ZDHHC3: variants seen among roughly 807,000 people sequenced by gnomAD.
ZDHHC3 encodes the protein palmitoyltransferase ZDHHC3.
Under a neutral mutation model 30.6 loss-of-function variants are expected in ZDHHC3, and 9 were observed. That is an observed-to-expected ratio of 0.29 (90% confidence interval 0.18 to 0.51). The LOEUF is 0.51. Among genes scored for constraint, ZDHHC3 ranks in the 20% least tolerant of loss-of-function variants. The probability of loss-of-function intolerance (pLI) is 0.97; values close to 1 mark genes in which losing one functional copy is unlikely to be tolerated. For synonymous variants in ZDHHC3, 136 were observed against 140.2 expected (o/e 0.97, Z 0.21); for missense variants, 246 against 384.2 (o/e 0.64, Z 3.01).
intron 5 of ZDHHC3, among the ~76,000 whole-genome samples, chr3:44,932,035 T>A (rs973927503): frequency 3.9e-5 from 6 of 152,228 alleles, no homozygotes; most frequent in Admixed American, 3.9e-4. Context: ...CCCTATCACC[T>A]GCCCAAGTCT....
At chr3:44,934,440 C>CTAGGGA (rs55912200) in intron 3 of ZDHHC3, among the ~76,000 whole-genome samples, 5 of 151,080 alleles carry the variant, frequency 3.3e-5, no homozygotes, top group African/African-American at 1.2e-4. Context: ...TGAGGTGCTA[C>CTAGGGA]CAGGGAGGGC....
intron 2 of ZDHHC3, among the ~76,000 whole-genome samples, chr3:44,952,128 G>A (rs1703512074): frequency 6.6e-6 from 1 of 152,148 alleles, no homozygotes; most frequent in Non-Finnish European, 1.5e-5. Flanking sequence ...AACGGAACCT[G>A]CTGCTTTCTC....
At chr3:44,943,520 G>A (rs1024476429) in intron 3 of ZDHHC3, among the ~76,000 whole-genome samples, 2 of 152,158 alleles carry the variant, frequency 1.3e-5, no homozygotes, top group Non-Finnish European at 2.9e-5. Flanking sequence ...TGAAAGACAG[G>A]CAGCAAGGCC....
At position 44,915,921 on chromosome 3, in the gene ZDHHC3, T is replaced by G. The variant is rs930851942; in HGVS notation, c.*10768A>C. 9.2e-5 allele frequency: 14 copies of G among 152,372 alleles called. No individual in the cohort carries two copies. Among genetic ancestry groups the G allele is most frequent in the African/African-American group, 3.4e-4 (14 of 41,588 alleles). The allele number at this position is 152,372 out of a possible 1,614,324, so 9.4% of individuals were successfully genotyped here. On this transcript the variant is annotated 3_prime_UTR_variant, in exon 7 of 7. Coordinates refer to ENST00000424952, the MANE Select transcript of ZDHHC3 (RefSeq NM_001135179.2). ...CTCTCTGGTATTCCATCCACCATCC[T>G]GGCAGCCCAGAGCTGCTTCTGGGTT...
At position 44,916,165 on chromosome 3, in the gene ZDHHC3, T is replaced by A. The variant is rs1235642835; in HGVS notation, c.*10524A>T. 1.3e-5 allele frequency: 2 copies of A among 152,284 alleles called. No homozygotes were observed. Among genetic ancestry groups the A allele is most frequent in the East Asian group, 3.9e-4 (2 of 5,176 alleles). The allele number at this position is 152,284 out of a possible 1,614,324, so 9.4% of individuals were successfully genotyped here. A position where few individuals can be genotyped will look rare whatever the true frequency, so the allele number is the denominator to read the frequency against. ...TCTGGTTGCTCTGTTGATGTTAGAA[T>A]CCCACCATCACCCCTCTCGTGGGTC... On this transcript the variant is annotated 3_prime_UTR_variant, in exon 7 of 7. Coordinates refer to ENST00000424952, the MANE Select transcript of ZDHHC3 (RefSeq NM_001135179.2).
chr3:44,932,322 T>C (rs972271055), intron 5 of ZDHHC3, among the ~76,000 whole-genome samples: 2 of 152,062 alleles, frequency 1.3e-5, no homozygotes, highest in African/African-American at 4.8e-5. Context: ...TATGCCAGAA[T>C]TGTGGGAAGA....
rs1349429925 is a variant in ZDHHC3, at chr3:44,920,880, T to A, written c.*5809A>T. 1 of 985,322 alleles carries A rather than the reference T, an allele frequency of 1.0e-6. No homozygotes were observed. Among genetic ancestry groups the A allele is most frequent in the Non-Finnish European group, 1.2e-6 (1 of 829,944 alleles). 61.0% of individuals were successfully genotyped at this position (985,322 alleles called of 1,614,324 possible). ...CAAACTTTCAGGGAGTGTTGACTTT[T>A]GAGTCTAGAAAGAAAATATTGCAAA... On this transcript the variant is annotated 3_prime_UTR_variant, in exon 7 of 7. Coordinates refer to ENST00000424952, the MANE Select transcript of ZDHHC3 (RefSeq NM_001135179.2).
rs1162175458 is a variant in ZDHHC3 at position 44,920,156 on chromosome 3, AG to A, written c.*6532del. On this transcript the variant is annotated 3_prime_UTR_variant, in exon 7 of 7. Transcript: ENST00000424952. ...TAATCAGAACAAAAATAGTTGTTTC[AG>A]AAAATGGATCTTGTTGACACAAGTC... 7.9e-7 allele frequency: 1 copy of A among 1,266,476 alleles called. No homozygotes were observed. Among genetic ancestry groups the A allele is most frequent in the African/African-American group, 1.5e-5 (1 of 65,162 alleles). The allele number at this position is 1,266,476 out of a possible 1,614,324, so 78.5% of individuals were successfully genotyped here.
chr3:44,938,043 G>C, intron 3 of ZDHHC3: 2 of 336,488 alleles, frequency 5.9e-6, no homozygotes, highest in South Asian at 2.4e-5. Flanking sequence ...GAGTGCAATG[G>C]TGTGATCTCG....
intron 3 of ZDHHC3, among the ~76,000 whole-genome samples, chr3:44,943,186 CTACA>C (rs1382369554): frequency 1.3e-5 from 2 of 152,188 alleles, no homozygotes; most frequent in Non-Finnish European, 1.5e-5. Context: ...ATACATACAA[CTACA>C]TAAAGTTACA....
intron 3 of ZDHHC3, among the ~76,000 whole-genome samples, chr3:44,939,433 G>T (rs1187337489): frequency 6.6e-6 from 1 of 152,194 alleles, no homozygotes; most frequent in African/African-American, 2.4e-5. Context: ...CAGGTGCCAT[G>T]CTCCCACCAT....
intron 3 of ZDHHC3, among the ~76,000 whole-genome samples, chr3:44,942,810 C>CA (rs1702556341): frequency 6.6e-6 from 1 of 152,224 alleles, no homozygotes; most frequent in Admixed American, 6.5e-5. Context: ...CGAAGGTCCA[C>CA]CGTGTAGCAA....
chr3:44,959,458 C>A lies in ZDHHC3; in HGVS notation c.-22G>T, dbSNP rs772444780. 2 of 1,598,836 alleles carry A rather than the reference C, an allele frequency of 1.3e-6. No individual in the cohort carries two copies. Among genetic ancestry groups the A allele is most frequent in the South Asian group, 2.2e-5 (2 of 90,108 alleles). ...TCATAAGCTATTCTGTCCATACTGG[C>A]ATCTGAAAGAGAGAGGAAAGAATCC... On this transcript the variant is annotated splice_region_variant and 5_prime_UTR_variant, in exon 2 of 7. It removes an upstream start codon present in the reference 5' UTR. Transcript: ENST00000424952. The surrounding 1 kb of genome is among the most constrained non-coding windows in gnomAD (Gnocchi z 4.3).
chr3:44,957,798 A>G (rs774939969), intron 2 of ZDHHC3, among the ~76,000 whole-genome samples: 2 of 152,206 alleles, frequency 1.3e-5, no homozygotes, highest in Non-Finnish European at 2.9e-5. Flanking sequence ...TTCATCACAC[A>G]GGGTTATCAT....
At chr3:44,956,879 T>C (rs1431475900) in intron 2 of ZDHHC3, among the ~76,000 whole-genome samples, 1 of 152,132 alleles carries the variant, frequency 6.6e-6, no homozygotes, top group Non-Finnish European at 1.5e-5. Context: ...TCCAAAGTTC[T>C]CATGAGGCCT....
rs757987357 is a variant in ZDHHC3, at chr3:44,938,172, C to T, written c.432-4188G>A. On this transcript the variant is annotated intron_variant, in intron 3 of 6. Transcript: ENST00000424952. Reference sequence around the variant, plus strand: ...CTAATTTTTGTATTTTTAGTGGAGACGGGGTTTCACCATGTTGGCCAGACT... The same window carrying T: ...CTAATTTTTGTATTTTTAGTGGAGATGGGGTTTCACCATGTTGGCCAGACT... 4 of 200,984 alleles carry T rather than the reference C, an allele frequency of 2.0e-5. No individual in the cohort carries two copies. The South Asian group carries it at 2.2e-4, about 11-fold the overall frequency. 12.5% of individuals were successfully genotyped at this position (200,984 alleles called of 1,614,324 possible). A position where few individuals can be genotyped will look rare whatever the true frequency, so the allele number is the denominator to read the frequency against.
rs1700862890 is a variant in ZDHHC3 at position 44,924,897 on chromosome 3, G to A, written c.*1792C>T. Reference sequence around the variant, plus strand: ...ATCGCATGAATAGCACCGTAGACACGAGGTAAAGTTAACTGACTCAGGAAA... The same window carrying A: ...ATCGCATGAATAGCACCGTAGACACAAGGTAAAGTTAACTGACTCAGGAAA... On this transcript the variant is annotated 3_prime_UTR_variant, in exon 7 of 7. Coordinates refer to ENST00000424952, the MANE Select transcript of ZDHHC3 (RefSeq NM_001135179.2). The A allele has an allele frequency of 3.8e-5, 37 of 985,366 alleles. No individual in the cohort carries two copies. The highest frequency in any genetic ancestry group is 9.4e-5 in the South Asian group (2 of 21,290). 61.0% of individuals were successfully genotyped at this position (985,366 alleles called of 1,614,324 possible).
intron 3 of ZDHHC3, among the ~76,000 whole-genome samples, chr3:44,935,790 CTGGAGAT>C (rs1326006918): frequency 1.3e-5 from 2 of 152,170 alleles, no homozygotes; most frequent in Non-Finnish European, 2.9e-5. Flanking sequence ...ATAAATGGTA[CTGGAGAT>C]AACTGGCCAG....
rs898698431 is a variant in ZDHHC3, at chr3:44,926,263, C to G, written c.*426G>C. On this transcript the variant is annotated 3_prime_UTR_variant, in exon 7 of 7. Transcript: ENST00000424952. ...CCATCGGGGAGCCCGCCACTGCCTC[C>G]TGGGCAGTGGGAGGTCAGGGCCCTC... 7.1e-6 allele frequency: 7 copies of G among 988,134 alleles called. No homozygotes were observed. Among genetic ancestry groups the G allele is most frequent in the Non-Finnish European group, 7.2e-6 (6 of 831,830 alleles). 61.2% of individuals were successfully genotyped at this position (988,134 alleles called of 1,614,324 possible).
Sources: gnomAD v4.1 joint callset for allele counts (sites outside exome capture counted in the v4.1 genomes callset) on GRCh38, gnomAD v4.1.1 for gene constraint, Gnocchi (gnomAD v3.1) non-coding constraint, MANE v1.5 for transcripts, NCBI Gene and HGNC (gene_info 2026-07-23, HGNC 2026-07-21) for gene names.